UNC80: variants seen among roughly 807,000 people sequenced by gnomAD.
UNC80 encodes the protein protein unc-80 homolog.
In UNC80, 164 loss-of-function variants were observed where a neutral mutation model predicts 384.6. The ratio of observed to expected loss-of-function variants is 0.43; its 90% confidence interval spans 0.38 to 0.49. UNC80 has a LOEUF of 0.49. UNC80 is among the 20% of genes least tolerant of loss of function. The pLI is 0.00. For missense variants in UNC80, 3,330 were observed against 4,143.0 expected, an observed-to-expected ratio of 0.80 and a Z score of 5.39; for synonymous variants, 1,486 against 1,527.8, an observed-to-expected ratio of 0.97 and a Z score of 0.64.
Position 209,965,128 on chromosome 2 carries a change from G to A in UNC80, c.7806-2309G>A, listed in dbSNP as rs948822534. ...TAGGGAAAAGGGGGAGTGTTTGGGG[G>A]TATAAGTAAAACAAGAGTCACTGTA... On this transcript the variant is annotated intron_variant, in intron 51 of 64. Transcript: ENST00000673920. Among the ~76,000 whole-genome samples, 115 of 151,818 alleles carry A rather than the reference G, an allele frequency of 7.6e-4. 1 individual carries two copies. The highest frequency in any genetic ancestry group is 2.2e-4 in the Non-Finnish European group (15 of 67,966).
chr2:209,976,123 G>A lies in UNC80; in HGVS notation c.8592G>A (p.Leu2864=). 1 of 1,550,760 alleles carries A rather than the reference G, an allele frequency of 6.4e-7. No homozygotes were observed. Among genetic ancestry groups the A allele is most frequent in the East Asian group, 2.4e-5 (1 of 40,900 alleles). The change falls in exon 57 of 65, where the codon CTG becomes CTA. Residue 2864 remains leucine (L), a synonymous_variant. Transcript: ENST00000673920. The surrounding 1 kb of genome is among the most constrained non-coding windows in gnomAD (Gnocchi z 4.3). ...TTCTCTTTTCCCGGTGTGAAGCGCTGAAGGTGATTCTCGTCTGCTTTGAGA... is the reference window on the plus strand; with the variant it reads ...TTCTCTTTTCCCGGTGTGAAGCGCTAAAGGTGATTCTCGTCTGCTTTGAGA... The part of the protein sequence containing the change: ...ESTSQAAYLA[L]KVILVCFERQ...
intron 52 of UNC80, chr2:209,969,136 T>C (rs1384777726): frequency 6.6e-6 from 1 of 152,234 alleles, no homozygotes; most frequent in Non-Finnish European, 1.5e-5. Context: ...GATGAATCAG[T>C]ACTAGAAGAA....
chr2:209,831,250 G>C (rs1411750783), intron 15 of UNC80, among the ~76,000 whole-genome samples, 193 bp from the exon 16 acceptor site: 2 of 151,996 alleles, frequency 1.3e-5, no homozygotes, highest in African/African-American at 4.8e-5. Flanking sequence ...CACAGTAAAG[G>C]CTCTGAAGGA....
intron 51 of UNC80, among the ~76,000 whole-genome samples, chr2:209,962,429 A>G (rs370906869): frequency 6.6e-6 from 1 of 152,192 alleles, no homozygotes; most frequent in East Asian, 1.9e-4. Context: ...GTTTGTTAAA[A>G]GGGAAGAGTA....
At chr2:209,774,176 A>G (rs1224224613) in intron 2 of UNC80, among the ~76,000 whole-genome samples, 2 of 152,244 alleles carry the variant, frequency 1.3e-5, no homozygotes, top group African/African-American at 4.8e-5. Context: ...AGCCAACTGG[A>G]AAGTTAAACA....
intron 7 of UNC80, among the ~76,000 whole-genome samples, chr2:209,806,831 T>C (rs1000183203): frequency 6.6e-6 from 1 of 152,250 alleles, no homozygotes; most frequent in Non-Finnish European, 1.5e-5. Context: ...AATTACTATA[T>C]GCAGAGAGTT....
chr2:209,968,323 C>A (rs1389241604), intron 52 of UNC80: 1 of 152,124 alleles, frequency 6.6e-6, no homozygotes, highest in African/African-American at 2.4e-5. Context: ...CACTGGTAAA[C>A]CCACTTACTC....
chr2:209,952,659 T>G (rs2092239120), intron 47 of UNC80, among the ~76,000 whole-genome samples: 1 of 152,212 alleles, frequency 6.6e-6, no homozygotes, highest in African/African-American at 2.4e-5. Flanking sequence ...GAAGAAGCTT[T>G]CTTTCTCCCA....
chr2:209,842,695 G>C (rs1376630954), intron 21 of UNC80, among the ~76,000 whole-genome samples: 1 of 152,138 alleles, frequency 6.6e-6, no homozygotes, highest in Non-Finnish European at 1.5e-5. Flanking sequence ...AGCCTCTTCT[G>C]CTGTTCTATC....
intron 25 of UNC80, among the ~76,000 whole-genome samples, chr2:209,883,713 G>A (rs569854859): frequency 4.8e-4 from 73 of 152,172 alleles, no homozygotes; most frequent in African/African-American, 1.6e-3. Flanking sequence ...GATTACAGGC[G>A]TGAGCCACAG....
chr2:209,837,833 G>A (rs1209779244), intron 18 of UNC80, among the ~76,000 whole-genome samples: 3 of 150,342 alleles, frequency 2.0e-5, no homozygotes, highest in South Asian at 2.1e-4. Flanking sequence ...GTGCAGTGGC[G>A]CTATCTCGGC....
rs376432931 is a variant in UNC80, at chr2:209,817,043, C to T, written c.1470C>T (p.Ser490=). 80 of 1,551,652 alleles carry T rather than the reference C, an allele frequency of 5.2e-5. No homozygotes were observed. In the African/African-American group the frequency reaches 1.0e-3, roughly 20 times the overall value. ...EDHLDVSPTR[S]TFSFGSFSGL... is the part of the protein sequence containing the mutation. Reference sequence around the variant, plus strand: ...ACCTGGATGTGTCCCCCACGCGCAGCACATTCTCCTTTGGAAGTTTCTCTG... The same window carrying T: ...ACCTGGATGTGTCCCCCACGCGCAGTACATTCTCCTTTGGAAGTTTCTCTG... Residue 490 remains serine, a synonymous_variant, in exon 10 of 65, where the codon AGC becomes AGT. Coordinates refer to ENST00000673920, the MANE Select transcript of UNC80 (RefSeq NM_001371986.1).
intron 7 of UNC80, among the ~76,000 whole-genome samples, chr2:209,808,247 G>A (rs1380019422): frequency 1.3e-5 from 2 of 152,070 alleles, no homozygotes; most frequent in African/African-American, 4.8e-5. Context: ...TCTCAGTTAC[G>A]GTGATTCCAT....
At chr2:209,889,898 A>T (rs2086169846) in intron 26 of UNC80, among the ~76,000 whole-genome samples, 1 of 152,128 alleles carries the variant, frequency 6.6e-6, no homozygotes, top group Non-Finnish European at 1.5e-5. Context: ...GTTAGTAGAG[A>T]TGAGGTTTCA....
rs188670198 is a variant in UNC80 at position 209,773,490 on chromosome 2, A to G, written c.141+348A>G. Among the ~76,000 whole-genome samples the G allele has an allele frequency of 3.0e-3, 451 of 152,326 alleles. 2 individuals carry two copies. The highest frequency in any genetic ancestry group is 4.7e-3 in the Non-Finnish European group (319 of 68,034). ...ATGGATAGATAAGGCTTATCTACCC[A>G]TTAATGTGAACCTTGGCCAAAGACA... On this transcript the variant is annotated intron_variant, in intron 2 of 64. Coordinates refer to ENST00000673920, the MANE Select transcript of UNC80 (RefSeq NM_001371986.1).
chr2:209,853,260 T>C (rs2082659520), intron 22 of UNC80, among the ~76,000 whole-genome samples: 1 of 152,130 alleles, frequency 6.6e-6, no homozygotes, highest in Non-Finnish European at 1.5e-5. Flanking sequence ...AATTTTTGCA[T>C]TTTGACATAA....
intron 38 of UNC80, among the ~76,000 whole-genome samples, chr2:209,932,032 CTGGGTCCTTCATT>C (rs2090918421): frequency 6.6e-6 from 1 of 152,168 alleles, no homozygotes; most frequent in Admixed American, 6.5e-5. Flanking sequence ...TGCATTTTAT[CTGGGTCCTTCATT>C]TGTGAGACCA....
chr2:209,820,484 T>C lies in UNC80; in HGVS notation c.2136T>C (p.Ser712=). The stretch of plus-strand genomic sequence containing the variant: ...ATGAGACCTTGGAAAAGAGGCCAAG[T>C]GAGGGAGCTTTCCAATTCAAAGGAG... ...KENETLEKRP[S]EGAFQFKGVS... Residue 712 remains serine, a synonymous_variant, in exon 13 of 65, where the codon AGT becomes AGC. Transcript: ENST00000673920. 1.3e-6 allele frequency: 2 copies of C among 1,551,638 alleles called. No individual in the cohort carries two copies. Among genetic ancestry groups the C allele is most frequent in the Non-Finnish European group, 1.7e-6 (2 of 1,146,994 alleles).
In UNC80 at chr2:209,993,318, A is replaced by C. The variant is rs2093425549; in HGVS notation, c.9400A>C (p.Arg3134=). 1 of 1,551,562 alleles carries C rather than the reference A, an allele frequency of 6.4e-7. No homozygotes were observed. ...LGRKRGLRQL[R]RPLLSRQKTQ... is the part of the protein sequence containing the mutation. ...TTATTCTGCCTATTCTCTTTAGCTA[A>C]GACGTCCTCTACTATCACGTCAGAA... The change falls in exon 63 of 65, where the codon AGA becomes CGA. Residue 3134 remains arginine, a synonymous_variant. Coordinates refer to ENST00000673920, the MANE Select transcript of UNC80 (RefSeq NM_001371986.1).
Sources: allele counts gnomAD v4.1 joint callset (sites outside exome capture counted in the v4.1 genomes callset), GRCh38; gene constraint gnomAD v4.1.1; non-coding constraint Gnocchi (gnomAD v3.1); transcripts MANE v1.5; gene names NCBI Gene and HGNC (gene_info 2026-07-23, HGNC 2026-07-21).